KAZN: variants seen among roughly 807,000 people sequenced by gnomAD.
KAZN encodes the protein kazrin, periplakin interacting protein, also known as kazrin.
In KAZN, 40 loss-of-function variants were observed where a neutral mutation model predicts 87.4. The ratio of observed to expected loss-of-function variants is 0.46; its 90% CI spans 0.36 to 0.60. KAZN has a LOEUF of 0.60. KAZN is among the 20% of genes least tolerant of loss of function. The probability of loss-of-function intolerance (pLI) is 0.00; values close to 1 mark genes in which losing one functional copy is unlikely to be tolerated. For missense variants in KAZN, 898 were observed against 1,073.9 expected (o/e 0.84, Z 2.29); for synonymous variants, 466 against 458.3 (o/e 1.02, Z -0.22).
chr1:14,865,438 C>T (rs1302283818), intron 1 of KAZN, among the ~76,000 whole-genome samples: 2 of 152,150 alleles, frequency 1.3e-5, no homozygotes, highest in Non-Finnish European at 2.9e-5. Context: ...AAGATCTTTG[C>T]GCCCTGGCTT....
chr1:14,129,574 C>G (rs549418190), intron 1 of KAZN, among the ~76,000 whole-genome samples: 1 of 152,178 alleles, frequency 6.6e-6, no homozygotes, highest in African/African-American at 2.4e-5. Flanking sequence ...GGCTGTGCTG[C>G]GTCTTTGCAG....
At chr1:14,350,353 A>G (rs1658446927) in intron 2 of KAZN, among the ~76,000 whole-genome samples, 1 of 152,176 alleles carries the variant, frequency 6.6e-6, no homozygotes, top group African/African-American at 2.4e-5. Context: ...TTGCCTAAGA[A>G]TATGACCATG....
At chr1:14,485,319 C>T (rs1414061616) in intron 2 of KAZN, among the ~76,000 whole-genome samples, 2 of 152,186 alleles carry the variant, frequency 1.3e-5, no homozygotes, top group African/African-American at 4.8e-5. Context: ...TTTCTAGTGC[C>T]ACCCACTTTG....
At chr1:14,978,125 A>G (rs990613850) in intron 2 of KAZN, among the ~76,000 whole-genome samples, 9 of 152,124 alleles carry the variant, frequency 5.9e-5, no homozygotes, top group African/African-American at 2.2e-4. Flanking sequence ...GGCCTTCCTC[A>G]CGTCCTCCCA....
intron 2 of KAZN, among the ~76,000 whole-genome samples, chr1:14,539,098 C>T (rs1028505174): frequency 1.3e-5 from 2 of 152,182 alleles, no homozygotes; most frequent in Non-Finnish European, 2.9e-5. Flanking sequence ...AGTCCCATTC[C>T]TCTATTTCCC....
chr1:14,993,637 C>T (rs184311518), intron 2 of KAZN, among the ~76,000 whole-genome samples: 11 of 152,298 alleles, frequency 7.2e-5, no homozygotes, highest in Admixed American at 3.9e-4. Flanking sequence ...CCTCGACTCT[C>T]GTCTGGGAGG....
At chr1:13,931,967 A>G (rs1007658332) in intron 1 of KAZN, among the ~76,000 whole-genome samples, 4 of 150,370 alleles carry the variant, frequency 2.7e-5, no homozygotes, top group African/African-American at 4.9e-5. Flanking sequence ...CCTCCCTCCC[A>G]AGTAGCTGGA....
At chr1:14,736,007 T>A (rs1572355496) in intron 1 of KAZN, among the ~76,000 whole-genome samples, 1 of 152,106 alleles carries the variant, frequency 6.6e-6, no homozygotes, top group Non-Finnish European at 1.5e-5. Context: ...CTGGTGGAAA[T>A]GCACCCTAGA....
Position 15,035,561 on chromosome 1 carries a change from C to G in KAZN, c.555+676C>G, listed in dbSNP as rs533189998. ...CACCAAAACTTAAAGAAGAGTCAGT[C>G]CCCTGGCCAGGCACGGTGGCTCACA... On this transcript the variant is annotated intron_variant, in intron 3 of 14. Transcript: ENST00000376030. Among the ~76,000 whole-genome samples, 5 of 152,258 alleles carry G rather than the reference C, an allele frequency of 3.3e-5. No individual in the cohort carries two copies. In the South Asian group the frequency reaches 1.0e-3, roughly 32 times the overall value.
intron 1 of KAZN, among the ~76,000 whole-genome samples, chr1:14,085,180 T>G (rs947825929): frequency 2.0e-5 from 3 of 152,200 alleles, no homozygotes; most frequent in Non-Finnish European, 4.4e-5. Context: ...ACCACAGTGG[T>G]TTGTAGAAAC....
chr1:13,971,742 A>G (rs1224389034), intron 1 of KAZN, among the ~76,000 whole-genome samples: 1 of 152,132 alleles, frequency 6.6e-6, no homozygotes, highest in Non-Finnish European at 1.5e-5. Flanking sequence ...AAAGTGATTG[A>G]ATCATGGGTG....
chr1:14,387,649 C>T (rs1489002114), intron 2 of KAZN, among the ~76,000 whole-genome samples: 1 of 152,192 alleles, frequency 6.6e-6, no homozygotes, highest in East Asian at 1.9e-4. Context: ...CAGGGACCCA[C>T]TTGAGGAGGC....
chr1:14,289,509 C>CTT (rs796867828), intron 2 of KAZN, among the ~76,000 whole-genome samples: 21 of 145,792 alleles, frequency 1.4e-4, no homozygotes, highest in African/African-American at 5.0e-4. Context: ...GTAACTCTGC[C>CTT]TTTTTTTTTT....
intron 2 of KAZN, among the ~76,000 whole-genome samples, chr1:14,562,033 G>T (rs1440890547): frequency 1.3e-5 from 2 of 152,164 alleles, no homozygotes; most frequent in Non-Finnish European, 2.9e-5. Context: ...TCCCCCTGGG[G>T]ATGGACCCAT....
intron 1 of KAZN, among the ~76,000 whole-genome samples, chr1:14,862,295 G>A (rs1315619351): frequency 6.6e-6 from 1 of 152,082 alleles, no homozygotes; most frequent in Non-Finnish European, 1.5e-5. Context: ...GTTGCCCGTC[G>A]GCAGAAGGCC....
chr1:14,282,702 G>C (rs1652938574), intron 2 of KAZN, among the ~76,000 whole-genome samples: 1 of 152,148 alleles, frequency 6.6e-6, no homozygotes, highest in Admixed American at 6.5e-5. Flanking sequence ...CAGAAGTCAG[G>C]CCAGCTTGCA....
intron 2 of KAZN, among the ~76,000 whole-genome samples, chr1:14,550,744 A>G (rs1027466696): frequency 1.5e-4 from 3 of 19,438 alleles, no homozygotes; most frequent in South Asian, 9.2e-3. Flanking sequence ...TCTCTCCCCC[A>G]CCCCGCCACC....
chr1:13,935,151 C>G (rs1411777685), intron 1 of KAZN, among the ~76,000 whole-genome samples: 1 of 151,354 alleles, frequency 6.6e-6, no homozygotes, highest in Non-Finnish European at 1.5e-5. Context: ...GCAGGAGAAT[C>G]GCATGAACCC....
chr1:14,234,686 C>T (rs571709216), intron 2 of KAZN, among the ~76,000 whole-genome samples: 7 of 152,134 alleles, frequency 4.6e-5, no homozygotes, highest in Non-Finnish European at 8.8e-5. Context: ...GCATGGGTAG[C>T]AGAGTCAATG....
Sources: allele counts gnomAD v4.1 joint callset (sites outside exome capture counted in the v4.1 genomes callset), GRCh38; gene constraint gnomAD v4.1.1; transcripts MANE v1.5; gene names NCBI Gene and HGNC (gene_info 2026-07-23, HGNC 2026-07-21).